The following ADAMTS12 variants were observed in gnomAD, a reference collection of about 807,000 sequenced individuals.
ADAMTS12 encodes the protein A disintegrin and metalloproteinase with thrombospondin motifs 12.
ADAMTS12 carries 118 observed loss-of-function variants against 167.8 expected under a neutral mutation model. The observed-to-expected ratio is 0.70, with a 90% CI of 0.61 to 0.82. ADAMTS12 has a LOEUF of 0.82. Among genes scored for constraint, ADAMTS12 ranks in the 40% least tolerant of loss-of-function variants. The probability of loss-of-function intolerance (pLI) is 0.00; values close to 1 mark genes in which losing one functional copy is unlikely to be tolerated. For synonymous variants in ADAMTS12, 704 were observed against 716.9 expected, an observed-to-expected ratio of 0.98 and a Z score of 0.29; for missense variants, 1,916 against 1,998.8, an observed-to-expected ratio of 0.96 and a Z score of 0.79.
intron 13 of ADAMTS12, among the ~76,000 whole-genome samples, chr5:33,626,663 ATGG>A (rs1483141969): frequency 9.9e-6 from 1 of 100,768 alleles, no homozygotes; most frequent in African/African-American, 3.6e-5. Context: ...TGATGTGGTA[ATGG>A]TGGTGGTGAT....
At chr5:33,827,401 T>A (rs1748120348) in intron 2 of ADAMTS12, among the ~76,000 whole-genome samples, 1 of 152,016 alleles carries the variant, frequency 6.6e-6, no homozygotes, top group Non-Finnish European at 1.5e-5. Flanking sequence ...CCCCACAGTC[T>A]CTAGAGAACT....
intron 17 of ADAMTS12, among the ~76,000 whole-genome samples, chr5:33,590,189 C>T (rs1275962788): frequency 6.6e-6 from 1 of 152,164 alleles, no homozygotes; most frequent in Non-Finnish European, 1.5e-5. Context: ...TGGTTGAAAG[C>T]CTAATTTATC....
intron 22 of ADAMTS12, among the ~76,000 whole-genome samples, chr5:33,544,772 T>C (rs546324805): frequency 1.3e-5 from 2 of 152,360 alleles, no homozygotes; most frequent in East Asian, 3.9e-4. Context: ...AAGGATTCCC[T>C]ATTTAATAAA....
chr5:33,733,909 G>A (rs1744279347), intron 3 of ADAMTS12, among the ~76,000 whole-genome samples: 1 of 151,946 alleles, frequency 6.6e-6, no homozygotes, highest in South Asian at 2.1e-4. Flanking sequence ...AAGGCTCAGA[G>A]AACTTCAGAA....
chr5:33,843,775 TG>T (rs1334717278), intron 2 of ADAMTS12, among the ~76,000 whole-genome samples: 1 of 152,178 alleles, frequency 6.6e-6, no homozygotes, highest in Admixed American at 6.5e-5. Flanking sequence ...AAGCAGGAAG[TG>T]ACTAACAGGC....
intron 2 of ADAMTS12, among the ~76,000 whole-genome samples, chr5:33,817,876 T>C (rs527498555): frequency 1.3e-5 from 2 of 152,300 alleles, no homozygotes; most frequent in African/African-American, 2.4e-5. Flanking sequence ...CATTATATCA[T>C]GTAAATCTTT....
At chr5:33,880,596 A>C (rs1750394423) in intron 2 of ADAMTS12, among the ~76,000 whole-genome samples, 1 of 152,252 alleles carries the variant, frequency 6.6e-6, no homozygotes, top group Non-Finnish European at 1.5e-5. Context: ...GACAGGTACT[A>C]CTATTATCTC....
chr5:33,631,401 C>G (rs1433613679), intron 12 of ADAMTS12, among the ~76,000 whole-genome samples: 1 of 152,162 alleles, frequency 6.6e-6, no homozygotes, highest in African/African-American at 2.4e-5. Context: ...TCCATCACCA[C>G]CAGCATAATC....
intron 21 of ADAMTS12, 68 bp downstream of exon 21, chr5:33,549,139 G>T (rs1745124406): frequency 6.5e-7 from 1 of 1,547,808 alleles, no homozygotes; most frequent in African/African-American, 1.4e-5. Flanking sequence ...CTACACTTAT[G>T]CAGTAACACA....
chr5:33,738,903 A>C (rs13355666), intron 3 of ADAMTS12, among the ~76,000 whole-genome samples: 4,892 of 152,276 alleles, frequency 0.032, 269 homozygotes, highest in African/African-American at 0.11. Flanking sequence ...TTCTGGTGTC[A>C]ATTTAGCAGT....
intron 16 of ADAMTS12, among the ~76,000 whole-genome samples, chr5:33,604,448 C>A (rs536603452): frequency 2.3e-4 from 35 of 150,634 alleles, no homozygotes; most frequent in African/African-American, 7.6e-4. Flanking sequence ...TTGCAGTGAG[C>A]GGAAATTACG....
chr5:33,827,681 G>T (rs1199577533), intron 2 of ADAMTS12, among the ~76,000 whole-genome samples: 1 of 151,022 alleles, frequency 6.6e-6, no homozygotes, highest in Non-Finnish European at 1.5e-5. Context: ...ATGTATCCTC[G>T]CATTTGGATA....
Position 33,576,868 on chromosome 5 carries a change from G to A in ADAMTS12, c.3158C>T (p.Pro1053Leu), listed in dbSNP as rs1419545100. 6.2e-7 allele frequency: 1 copy of A among 1,614,106 alleles called. No homozygotes were observed. Among genetic ancestry groups the A allele is most frequent in the East Asian group, 2.2e-5 (1 of 44,894 alleles). ...GTCTCCTTCTTTGGAGGCTGTGGTAGGACTAGGGCTGCTGATTGCTGGAGT... is the reference window on the plus strand; with the variant it reads ...GTCTCCTTCTTTGGAGGCTGTGGTAAGACTAGGGCTGCTGATTGCTGGAGT... ...TSTPAISSPS[P>L]TTASKEGDLG... The change falls in exon 19 of 24, where the codon CCT becomes CTT. Residue 1053 changes from proline to leucine, a missense_variant. Coordinates refer to ENST00000504830, the MANE Select transcript of ADAMTS12 (RefSeq NM_030955.4).
intron 2 of ADAMTS12, among the ~76,000 whole-genome samples, chr5:33,773,028 C>T (rs1401611169): frequency 6.6e-6 from 1 of 152,210 alleles, no homozygotes; most frequent in South Asian, 2.1e-4. Context: ...ATCTTTTAGA[C>T]AGCTGCAAAT....
At chr5:33,855,472 T>C (rs1749364276) in intron 2 of ADAMTS12, among the ~76,000 whole-genome samples, 1 of 152,252 alleles carries the variant, frequency 6.6e-6, no homozygotes, top group Admixed American at 6.5e-5. Flanking sequence ...GTCCTACATG[T>C]TAAAAGAAGG....
chr5:33,559,126 C>G (rs1745618885), intron 20 of ADAMTS12, among the ~76,000 whole-genome samples: 1 of 152,172 alleles, frequency 6.6e-6, no homozygotes, highest in Admixed American at 6.6e-5. Flanking sequence ...TCCTGTCTGT[C>G]TGGGGACATG....
intron 22 of ADAMTS12, among the ~76,000 whole-genome samples, chr5:33,545,085 G>A (rs993396043): frequency 2.0e-5 from 3 of 152,042 alleles, no homozygotes; most frequent in African/African-American, 7.3e-5. Flanking sequence ...CTACAGAATG[G>A]GAGAAAATTT....
At chr5:33,765,654 C>T (rs950721556) in intron 2 of ADAMTS12, among the ~76,000 whole-genome samples, 4 of 152,064 alleles carry the variant, frequency 2.6e-5, no homozygotes, top group African/African-American at 4.8e-5. Flanking sequence ...ACCCCCAAAT[C>T]GCTAATGAAG....
chr5:33,552,806 G>A (rs1435629984), intron 20 of ADAMTS12, among the ~76,000 whole-genome samples: 1 of 152,112 alleles, frequency 6.6e-6, no homozygotes, highest in Non-Finnish European at 1.5e-5. Context: ...TTAGGCTGAT[G>A]CCTCCACCTT....
Sources: allele counts gnomAD v4.1 joint callset (sites outside exome capture counted in the v4.1 genomes callset), GRCh38; gene constraint gnomAD v4.1.1; transcripts MANE v1.5; gene names NCBI Gene and HGNC (gene_info 2026-07-23, HGNC 2026-07-21).